Variants in KCNH8 observed in about 807,000 individuals in gnomAD.
The protein encoded by KCNH8 is potassium voltage-gated channel subfamily H member 8, also known as voltage-gated delayed rectifier potassium channel KCNH8.
Under a neutral mutation model 103.6 loss-of-function variants are expected in KCNH8, and 70 were observed. The ratio of observed to expected loss-of-function variants is 0.68; its 90% CI spans 0.56 to 0.82. The LOEUF (loss-of-function observed/expected upper bound fraction) is 0.82, where lower values mean the gene tolerates loss of function less well. Ranked by LOEUF, KCNH8 falls within the 40% of genes least tolerant of loss-of-function variation. KCNH8 has a pLI of 0.00. For synonymous variants in KCNH8, 498 were observed against 489.4 expected, an observed-to-expected ratio of 1.02 and a Z score of -0.23; for missense variants, 1,217 against 1,329.9, an observed-to-expected ratio of 0.92 and a Z score of 1.32.
intron 11 of KCNH8, among the ~76,000 whole-genome samples, chr3:19,472,891 ATATT>A (rs1351657772): frequency 4.6e-5 from 7 of 152,216 alleles, no homozygotes; most frequent in Non-Finnish European, 1.0e-4. Context: ...TGTCAACTGA[ATATT>A]TAGTAGCATA....
In KCNH8 at chr3:19,513,001, A is replaced by G; in HGVS notation, c.2111A>G (p.Lys704Arg). Residue 704 changes from lysine (K) to arginine (R), a missense_variant, in exon 13 of 16, where the codon AAG (lysine) becomes AGG (arginine). Lys to Arg is a conservative substitution (Grantham distance 26, BLOSUM62 2). This residue lies in a region of KCNH8 where 558 missense variants were observed against 495.8 expected (regional missense o/e 1.13). Coordinates refer to ENST00000328405, the MANE Select transcript of KCNH8 (RefSeq NM_144633.3). ...SEPKGNGNIN[K>R]RLPSIVEDEE... ...CCCAAGGGAAATGGCAACATCAACAAGCGACTCCCATCCATTGTGGAAGAT... is the reference window on the plus strand; with the variant it reads ...CCCAAGGGAAATGGCAACATCAACAGGCGACTCCCATCCATTGTGGAAGAT... 1 of 1,607,694 alleles carries G rather than the reference A, an allele frequency of 6.2e-7. No homozygotes were observed.
At chr3:19,403,649 G>T (rs974618673) in intron 7 of KCNH8, among the ~76,000 whole-genome samples, 3 of 151,402 alleles carry the variant, frequency 2.0e-5, no homozygotes, top group African/African-American at 7.3e-5. Context: ...ATTTCAATGT[G>T]CTTATAGAAA....
intron 7 of KCNH8, among the ~76,000 whole-genome samples, chr3:19,412,888 G>T (rs1455673507): frequency 6.6e-6 from 1 of 151,956 alleles, no homozygotes; most frequent in East Asian, 1.9e-4. Flanking sequence ...TGTTGGTGAG[G>T]CTGTGGAGAA....
intron 2 of KCNH8, among the ~76,000 whole-genome samples, chr3:19,260,046 G>C (rs2064409075): frequency 6.6e-6 from 1 of 151,546 alleles, no homozygotes. Flanking sequence ...GAAGAAAAGA[G>C]GAGAAAAGGG....
intron 1 of KCNH8, among the ~76,000 whole-genome samples, chr3:19,228,462 A>G (rs763884774): frequency 6.6e-6 from 1 of 152,182 alleles, no homozygotes. Flanking sequence ...TTTGTAACAT[A>G]TGAGAGTTTT....
chr3:19,524,710 A>T (rs560296945), intron 15 of KCNH8, among the ~76,000 whole-genome samples: 1 of 151,936 alleles, frequency 6.6e-6, no homozygotes, highest in East Asian at 1.9e-4. Flanking sequence ...TATAGATAGG[A>T]CTCTTCTCAT....
chr3:19,529,201 T>C (rs1054622533), intron 15 of KCNH8, among the ~76,000 whole-genome samples: 5 of 152,204 alleles, frequency 3.3e-5, no homozygotes, highest in Non-Finnish European at 1.5e-5. Flanking sequence ...TATTTTCTAA[T>C]ATGAGTGTCA....
chr3:19,184,997 A>G (rs887198394), intron 1 of KCNH8, among the ~76,000 whole-genome samples: 2 of 151,928 alleles, frequency 1.3e-5, no homozygotes, highest in African/African-American at 2.4e-5. Context: ...TTATATAGAT[A>G]TACCATACTT....
intron 5 of KCNH8, among the ~76,000 whole-genome samples, chr3:19,357,753 G>T (rs139944087): frequency 2.0e-5 from 3 of 151,814 alleles, no homozygotes; most frequent in African/African-American, 7.2e-5. Flanking sequence ...AACATGATAT[G>T]CAAGTATGCT....
At chr3:19,207,021 G>T (rs1025702701) in intron 1 of KCNH8, among the ~76,000 whole-genome samples, 5 of 151,954 alleles carry the variant, frequency 3.3e-5, no homozygotes, top group Admixed American at 1.3e-4. Flanking sequence ...GGCAGTCAGT[G>T]GAAAATGCAT....
In KCNH8 at chr3:19,504,000, G is replaced by T. The variant is rs2068644164; in HGVS notation, c.2041-6363G>T. On this transcript the variant is annotated intron_variant, in intron 11 of 15. Transcript: ENST00000328405. ...ATACTGTACAAAAAGAGACACATAAGTCAATGGAACAGAATTGAGAGTCCA... is the reference window on the plus strand; with the variant it reads ...ATACTGTACAAAAAGAGACACATAATTCAATGGAACAGAATTGAGAGTCCA... Among the ~76,000 whole-genome samples, 6 of 152,042 alleles carry T rather than the reference G, an allele frequency of 3.9e-5. 1 individual carries two copies. The South Asian group carries it at 1.2e-3, about 32-fold the overall frequency.
intron 1 of KCNH8, among the ~76,000 whole-genome samples, chr3:19,191,034 A>G (rs1157658581): frequency 2.0e-5 from 3 of 151,906 alleles, no homozygotes; most frequent in Non-Finnish European, 4.4e-5. Context: ...GAACTAGATT[A>G]TTTTGAGGAA....
intron 7 of KCNH8, among the ~76,000 whole-genome samples, chr3:19,422,658 T>C (rs2066967549): frequency 6.6e-6 from 1 of 152,116 alleles, no homozygotes; most frequent in Non-Finnish European, 1.5e-5. Context: ...ATTTACAATT[T>C]AGAAAGACAT....
chr3:19,337,310 C>A (rs1212640847), intron 3 of KCNH8, among the ~76,000 whole-genome samples: 2 of 151,954 alleles, frequency 1.3e-5, no homozygotes, highest in Non-Finnish European at 2.9e-5. Context: ...GGCATAATGC[C>A]TAGAACATGA....
intron 5 of KCNH8, among the ~76,000 whole-genome samples, chr3:19,372,043 T>C (rs1175292442): frequency 6.6e-6 from 1 of 152,144 alleles, no homozygotes; most frequent in African/African-American, 2.4e-5. Context: ...AGTCAGATAG[T>C]GTGATGCCTC....
chr3:19,465,641 G>A (rs1427098333), intron 11 of KCNH8, among the ~76,000 whole-genome samples: 2 of 151,518 alleles, frequency 1.3e-5, no homozygotes, highest in Non-Finnish European at 2.9e-5. Flanking sequence ...TGATGGACCT[G>A]GATGAATTAA....
intron 2 of KCNH8, among the ~76,000 whole-genome samples, chr3:19,270,846 A>G (rs1050177272): frequency 1.3e-5 from 2 of 151,986 alleles, no homozygotes; most frequent in Non-Finnish European, 2.9e-5. Context: ...ATCCTTAACC[A>G]TTTCTTTTTA....
At chr3:19,334,186 A>G (rs1379918407) in intron 3 of KCNH8, among the ~76,000 whole-genome samples, 1 of 152,156 alleles carries the variant, frequency 6.6e-6, no homozygotes, top group Non-Finnish European at 1.5e-5. Context: ...AGGGAAATTC[A>G]TAAGTGGACT....
At chr3:19,483,360 T>A (rs1466904138) in intron 11 of KCNH8, among the ~76,000 whole-genome samples, 1 of 152,188 alleles carries the variant, frequency 6.6e-6, no homozygotes, top group East Asian at 1.9e-4. Context: ...CACTATACAG[T>A]TTCTGTCCTA....
Sources: gnomAD v4.1 joint callset for allele counts (sites outside exome capture counted in the v4.1 genomes callset) on GRCh38, gnomAD v4.1.1 for gene constraint, gnomAD v4.1.1 regional missense constraint, MANE v1.5 for transcripts, NCBI Gene and HGNC (gene_info 2026-07-23, HGNC 2026-07-21) for gene names.